Variants in FREM2 observed in about 807,000 individuals in gnomAD.
FREM2 encodes the protein FRAS1 related extracellular matrix 2, also known as FRAS1-related extracellular matrix protein 2.
FREM2 carries 119 observed loss-of-function variants against 219.9 expected under a neutral mutation model. The ratio of observed to expected loss-of-function variants is 0.54; its 90% confidence interval spans 0.47 to 0.63. The LOEUF is 0.63. Ranked by LOEUF, FREM2 falls within the 30% of genes least tolerant of loss-of-function variation. FREM2 has a pLI of 0.00. For synonymous variants in FREM2, 1,562 were observed against 1,522.8 expected, an observed-to-expected ratio of 1.03 and a Z score of -0.60; for missense variants, 4,030 against 3,993.6, an observed-to-expected ratio of 1.01 and a Z score of -0.25.
intron 2 of FREM2, among the ~76,000 whole-genome samples, chr13:38,708,781 CAG>C (rs1244198543): frequency 2.6e-5 from 4 of 152,194 alleles, no homozygotes; most frequent in African/African-American, 9.6e-5. Flanking sequence ...TGTTTTGAGA[CAG>C]AATTTCTCTT....
chr13:38,784,201 G>A (rs957584867), intron 5 of FREM2, among the ~76,000 whole-genome samples: 3 of 152,262 alleles, frequency 2.0e-5, no homozygotes, highest in South Asian at 4.1e-4. Context: ...GCCAGGTGGA[G>A]TGGTTGAGAG....
At chr13:38,750,523 T>G (rs1296695745) in intron 2 of FREM2, among the ~76,000 whole-genome samples, 1 of 152,214 alleles carries the variant, frequency 6.6e-6, no homozygotes, top group Non-Finnish European at 1.5e-5. Flanking sequence ...TATCCATTCA[T>G]CCATTGATGA....
chr13:38,719,463 C>T (rs1215357798), intron 2 of FREM2, among the ~76,000 whole-genome samples: 2 of 152,088 alleles, frequency 1.3e-5, no homozygotes, highest in Non-Finnish European at 2.9e-5. Context: ...TTAGGTGATC[C>T]GCCCACCTTG....
chr13:38,810,504 G>C (rs1875434550), intron 6 of FREM2, among the ~76,000 whole-genome samples: 1 of 151,788 alleles, frequency 6.6e-6, no homozygotes, highest in African/African-American at 2.4e-5. Flanking sequence ...TCTATACCCA[G>C]TTTTTTGAGG....
At chr13:38,807,127 A>C (rs1875260686) in intron 6 of FREM2, among the ~76,000 whole-genome samples, 2 of 130,032 alleles carry the variant, frequency 1.5e-5, no homozygotes, top group African/African-American at 2.8e-5. Flanking sequence ...GGTTTGAATA[A>C]ATTTTTTTCA....
chr13:38,786,689 A>C (rs1874343348), intron 6 of FREM2, among the ~76,000 whole-genome samples: 1 of 152,186 alleles, frequency 6.6e-6, no homozygotes, highest in African/African-American at 2.4e-5. Flanking sequence ...TTTTTGGCAA[A>C]AAAATCTTTC....
chr13:38,831,832 C>A (rs929812813), intron 6 of FREM2, among the ~76,000 whole-genome samples: 1 of 150,632 alleles, frequency 6.6e-6, no homozygotes, highest in African/African-American at 2.4e-5. Context: ...GTTGGCCAGG[C>A]TGATCTCGAA....
Position 38,691,586 on chromosome 13 carries a change from C to T in FREM2, c.4242C>T (p.Ile1414=), listed in dbSNP as rs759621704. 11 of 1,613,962 alleles carry T rather than the reference C, an allele frequency of 6.8e-6. No individual in the cohort carries two copies. Among genetic ancestry groups the T allele is most frequent in the Middle Eastern group, 1.6e-4 (1 of 6,084 alleles). Residue 1414 remains isoleucine, a synonymous_variant, in exon 1 of 24, where the codon ATC becomes ATT. Coordinates refer to ENST00000280481, the MANE Select transcript of FREM2 (RefSeq NM_207361.6). The part of the protein sequence containing the change: ...PLIDRYFYVS[I]GSIDIVFPDV... ...TAGATCGTTACTTTTATGTGTCCAT[C>T]GGGAGCATTGACATTGTCTTCCCTG...
At position 38,690,121 on chromosome 13, in the gene FREM2, C is replaced by T. The variant is rs763256963; in HGVS notation, c.2777C>T (p.Pro926Leu). Residue 926 changes from proline (P) to leucine (L), a missense_variant, in exon 1 of 24, where the codon CCC becomes CTC. Coordinates refer to ENST00000280481, the MANE Select transcript of FREM2 (RefSeq NM_207361.6). Reference sequence around the variant, plus strand: ...GTCAGTGACAGACATCATGTGGTGCCCATCACTCTCAGAGTAAATGTCCGG... The same window carrying T: ...GTCAGTGACAGACATCATGTGGTGCTCATCACTCTCAGAGTAAATGTCCGG... ...LEVSDRHHVV[P>L]ITLRVNVRPV... The T allele has an allele frequency of 1.2e-6, 2 of 1,613,946 alleles. No homozygotes were observed. The highest frequency in any genetic ancestry group is 3.3e-5 in the Admixed American group (2 of 59,974).
intron 6 of FREM2, among the ~76,000 whole-genome samples, chr13:38,826,352 G>T (rs1205163460): frequency 6.6e-6 from 1 of 152,100 alleles, no homozygotes; most frequent in Admixed American, 6.6e-5. Context: ...GTGACTGAGA[G>T]GGGGAGTGGC....
At chr13:38,846,800 A>G (rs1877175340) in intron 7 of FREM2, 78 bp downstream of exon 7, 1 of 1,479,250 alleles carries the variant, frequency 6.8e-7, no homozygotes, top group Admixed American at 1.7e-5. Context: ...TTAAAGCTGA[A>G]ATACTTCACT....
chr13:38,761,496 A>G (rs1215332701), intron 2 of FREM2, among the ~76,000 whole-genome samples: 2 of 152,214 alleles, frequency 1.3e-5, no homozygotes, highest in African/African-American at 2.4e-5. Context: ...TAATTTTTTA[A>G]AATATTTTTT....
intron 6 of FREM2, among the ~76,000 whole-genome samples, chr13:38,788,551 CT>C (rs1448885018): frequency 6.6e-6 from 1 of 152,080 alleles, no homozygotes; most frequent in Admixed American, 6.6e-5. Context: ...AATGTCAACA[CT>C]TTATAGAATT....
chr13:38,723,024 A>G (rs1871357416), intron 2 of FREM2, among the ~76,000 whole-genome samples: 2 of 152,054 alleles, frequency 1.3e-5, no homozygotes, highest in African/African-American at 4.8e-5. Context: ...TGAAGTCAGG[A>G]GTTCGAGGCC....
intron 11 of FREM2, among the ~76,000 whole-genome samples, chr13:38,852,799 G>A (rs1327904797): frequency 6.6e-6 from 1 of 150,900 alleles, no homozygotes; most frequent in Admixed American, 6.6e-5. Flanking sequence ...CCGTGTCTTA[G>A]GTTCAAGCGA....
Position 38,689,148 on chromosome 13 carries a change from T to G in FREM2, c.1804T>G (p.Ser602Ala), listed in dbSNP as rs373327178. 1.2e-6 allele frequency: 2 copies of G among 1,613,606 alleles called. No homozygotes were observed. Among genetic ancestry groups the G allele is most frequent in the Non-Finnish European group, 1.7e-6 (2 of 1,179,990 alleles). Residue 602 changes from serine to alanine, a missense_variant, in exon 1 of 24, where the codon TCA becomes GCA. This residue lies in a region of FREM2 where 3,102 missense variants were observed against 2,950.7 expected (regional missense o/e 1.05). Transcript: ENST00000280481. Reference sequence around the variant, plus strand: ...TTCTCTGCTGCTTTTTGTGCTGGAGTCACCCTTCTTAACTACGGGGCATCT... The same window carrying G: ...TTCTCTGCTGCTTTTTGTGCTGGAGGCACCCTTCTTAACTACGGGGCATCT... ...DDSLLLFVLE[S>A]PFLTTGHLLL...
chr13:38,716,307 T>C (rs975999264), intron 2 of FREM2, among the ~76,000 whole-genome samples: 1 of 152,162 alleles, frequency 6.6e-6, no homozygotes, highest in Non-Finnish European at 1.5e-5. Context: ...CTTTGCTATT[T>C]TCATTTCAAA....
chr13:38,704,566 C>T (rs1317152443), intron 2 of FREM2, among the ~76,000 whole-genome samples: 1 of 152,138 alleles, frequency 6.6e-6, no homozygotes, highest in Non-Finnish European at 1.5e-5. Context: ...CCTGCAGCTC[C>T]ATGAACAAAC....
At chr13:38,698,239 CATTCACCA>C (rs1282850088) in intron 2 of FREM2, among the ~76,000 whole-genome samples, 1 of 152,158 alleles carries the variant, frequency 6.6e-6, no homozygotes, top group Non-Finnish European at 1.5e-5. Context: ...AAATGTGTTG[CATTCACCA>C]AGAAATCAGT....
Sources: gnomAD v4.1 joint callset for allele counts (sites outside exome capture counted in the v4.1 genomes callset) on GRCh38, gnomAD v4.1.1 for gene constraint, gnomAD v4.1.1 regional missense constraint, MANE v1.5 for transcripts, NCBI Gene and HGNC (gene_info 2026-07-23, HGNC 2026-07-21) for gene names.